PATJ: variants seen among roughly 807,000 people sequenced by gnomAD.
PATJ encodes PATJ crumbs cell polarity complex component.
In PATJ, 190 loss-of-function variants were observed where a neutral mutation model predicts 224.9. That is an observed-to-expected ratio of 0.84 (90% CI 0.75 to 0.95). The LOEUF (loss-of-function observed/expected upper bound fraction) is 0.95. Ranked by LOEUF, PATJ falls within the 40% of genes least tolerant of loss-of-function variation. The probability of loss-of-function intolerance (pLI) is 0.00; values close to 1 mark genes in which losing one functional copy is unlikely to be tolerated. For synonymous variants in PATJ, 769 were observed against 820.3 expected, an observed-to-expected ratio of 0.94 and a Z score of 1.07; for missense variants, 2,121 against 2,270.3, an observed-to-expected ratio of 0.93 and a Z score of 1.34.
chr1:62,085,981 AT>A (rs1659923133), intron 33 of PATJ, among the ~76,000 whole-genome samples: 1 of 151,398 alleles, frequency 6.6e-6, no homozygotes, highest in South Asian at 2.1e-4. Context: ...ATTGTTTTTT[AT>A]TTTTTTAAAT....
chr1:62,133,611 A>C (rs1666493820), intron 41 of PATJ, among the ~76,000 whole-genome samples: 1 of 152,160 alleles, frequency 6.6e-6, no homozygotes, highest in Non-Finnish European at 1.5e-5. Flanking sequence ...CCAAGAATAT[A>C]GGTCTGTTTG....
rs1417187594 is a variant in PATJ, at chr1:62,142,226, T to C, written c.5272-6058T>C. ...TACCCGTGTAACTTCCCACAAAGCATAGGACTCCCCTCCACTACATCCTGA... is the reference window on the plus strand; with the variant it reads ...TACCCGTGTAACTTCCCACAAAGCACAGGACTCCCCTCCACTACATCCTGA... On this transcript the variant is annotated intron_variant, in intron 41 of 43. Transcript: ENST00000642238. Among the ~76,000 whole-genome samples, 6 of 152,190 alleles carry C rather than the reference T, an allele frequency of 3.9e-5. No individual in the cohort carries two copies. The East Asian group carries it at 5.8e-4, about 15-fold the overall frequency.
intron 11 of PATJ, among the ~76,000 whole-genome samples, chr1:61,800,720 T>C (rs1652295853): frequency 6.6e-6 from 1 of 152,164 alleles, no homozygotes; most frequent in Non-Finnish European, 1.5e-5. Context: ...CCTAATGCTA[T>C]CCCTCCCCTT....
At chr1:62,089,914 A>C (rs1215430840) in intron 33 of PATJ, among the ~76,000 whole-genome samples, 3 of 152,136 alleles carry the variant, frequency 2.0e-5, no homozygotes, top group African/African-American at 7.2e-5. Flanking sequence ...GTATGTCCTG[A>C]CTTCTGGTGA....
At chr1:62,030,156 A>G (rs1325226434) in intron 29 of PATJ, among the ~76,000 whole-genome samples, 1 of 152,218 alleles carries the variant, frequency 6.6e-6, no homozygotes, top group Non-Finnish European at 1.5e-5. Context: ...AGATTAAACC[A>G]TTAGACTCAG....
At chr1:62,075,996 A>C (rs920812835) in intron 31 of PATJ, among the ~76,000 whole-genome samples, 2 of 152,062 alleles carry the variant, frequency 1.3e-5, no homozygotes, top group African/African-American at 4.8e-5. Context: ...CAACTAAACC[A>C]GTGGTTCTTA....
rs987853475 is a variant in PATJ at position 62,108,799 on chromosome 1, T to C, written c.4461+279T>C. On this transcript the variant is annotated intron_variant, in intron 34 of 43. Transcript: ENST00000642238. Reference sequence around the variant, plus strand: ...TAATATCAAATGAGACTATATAATATTGCAAATTTTTTGCCTCTCCATTAT... The same window carrying C: ...TAATATCAAATGAGACTATATAATACTGCAAATTTTTTGCCTCTCCATTAT... 2.6e-5 allele frequency among the ~76,000 whole-genome samples: 4 copies of C among 152,112 alleles called. No individual in the cohort carries two copies. The East Asian group carries it at 7.7e-4, about 29-fold the overall frequency.
intron 27 of PATJ, among the ~76,000 whole-genome samples, chr1:61,959,878 C>A (rs1037424384): frequency 6.6e-6 from 1 of 151,986 alleles, no homozygotes; most frequent in Non-Finnish European, 1.5e-5. Flanking sequence ...TAAAAATTAG[C>A]CAGGCATGGT....
intron 18 of PATJ, among the ~76,000 whole-genome samples, chr1:61,859,618 T>G (rs1664237830): frequency 1.3e-5 from 2 of 152,074 alleles, no homozygotes; most frequent in South Asian, 4.1e-4. Context: ...AACTAATTTT[T>G]TTTTGTTGTT....
At chr1:61,768,472 A>AAAT (rs1557608338) in intron 4 of PATJ, among the ~76,000 whole-genome samples, 2 of 149,306 alleles carry the variant, frequency 1.3e-5, no homozygotes, top group African/African-American at 4.9e-5. Flanking sequence ...TCCGTCTCAA[A>AAAT]AAATAAATAA....
rs1667221491 is a variant in PATJ at position 61,875,448 on chromosome 1, C to T, written c.2959+82C>T. 3 of 1,095,392 alleles carry T rather than the reference C, an allele frequency of 2.7e-6. No homozygotes were observed. In the Middle Eastern group the frequency reaches 7.1e-4, roughly 259 times the overall value. 67.9% of individuals were successfully genotyped at this position (1,095,392 alleles called of 1,614,324 possible). A position where few individuals can be genotyped will look rare whatever the true frequency, so the allele number is the denominator to read the frequency against. On this transcript the variant is annotated intron_variant, in intron 21 of 43. Transcript: ENST00000642238. ...TTTATGTTTGTATACATGAATTTCA[C>T]CGTCATATTTTTATTCATTATGATG...
chr1:61,954,747 ACT>A (rs1680188756), intron 27 of PATJ, among the ~76,000 whole-genome samples: 1 of 138,740 alleles, frequency 7.2e-6, no homozygotes. Flanking sequence ...GATATGCCAA[ACT>A]CTATTGTTTT....
At chr1:62,083,409 C>A (rs59446746) in intron 32 of PATJ, among the ~76,000 whole-genome samples, 3,205 of 152,304 alleles carry the variant, frequency 0.021, 131 homozygotes, top group African/African-American at 0.073. Flanking sequence ...GGATTACAGG[C>A]GTGAACCACC....
chr1:62,049,087 A>T (rs1345034486), intron 30 of PATJ, among the ~76,000 whole-genome samples: 1 of 151,342 alleles, frequency 6.6e-6, no homozygotes, highest in African/African-American at 2.4e-5. Context: ...GCTTTCTTTA[A>T]TTTTTTTTTC....
intron 27 of PATJ, among the ~76,000 whole-genome samples, chr1:61,971,183 C>T (rs1362126832): frequency 1.3e-5 from 2 of 152,132 alleles, no homozygotes; most frequent in Non-Finnish European, 2.9e-5. Flanking sequence ...AAGTGAACTG[C>T]CCAGGATTTC....
chr1:61,884,271 G>C lies in PATJ; in HGVS notation c.2994G>C (p.Leu998Phe), dbSNP rs1004073628. 1 of 1,613,096 alleles carries C rather than the reference G, an allele frequency of 6.2e-7. No individual in the cohort carries two copies. Among genetic ancestry groups the C allele is most frequent in the East Asian group, 2.2e-5 (1 of 44,868 alleles). ...CGAATGATGTCCAAGGTCCTAGCTTGCTCATTGACCTTCCTGTTGTGGCTC... is the reference window on the plus strand; with the variant it reads ...CGAATGATGTCCAAGGTCCTAGCTTCCTCATTGACCTTCCTGTTGTGGCTC... ...MIPNDVQGPS[L>F]LIDLPVVAQR... is the part of the protein sequence containing the mutation. Residue 998 changes from leucine (L) to phenylalanine (F), a missense_variant, in exon 22 of 44, where the codon TTG becomes TTC. Coordinates refer to ENST00000642238, the MANE Select transcript of PATJ (RefSeq NM_001350145.3).
chr1:62,129,868 G>A (rs1341556263), intron 41 of PATJ, among the ~76,000 whole-genome samples: 1 of 152,130 alleles, frequency 6.6e-6, no homozygotes, highest in African/African-American at 2.4e-5. Context: ...GGACCTGGGA[G>A]AAGGAGGTTG....
At chr1:61,948,816 A>G (rs1056205478) in intron 27 of PATJ, among the ~76,000 whole-genome samples, 2 of 152,188 alleles carry the variant, frequency 1.3e-5, no homozygotes, top group East Asian at 1.9e-4. Flanking sequence ...AACCAACTCA[A>G]ATGTCCATCA....
At chr1:61,988,182 G>A (rs543183316) in intron 27 of PATJ, among the ~76,000 whole-genome samples, 3 of 152,216 alleles carry the variant, frequency 2.0e-5, no homozygotes, top group African/African-American at 7.2e-5. Flanking sequence ...CTGGGTGATA[G>A]AGCAAGACTT....
Sources: allele counts gnomAD v4.1 joint callset (sites outside exome capture counted in the v4.1 genomes callset), GRCh38; gene constraint gnomAD v4.1.1; transcripts MANE v1.5; gene names NCBI Gene and HGNC (gene_info 2026-07-23, HGNC 2026-07-21).